The following USP49 variants were observed in gnomAD, a reference collection of about 807,000 sequenced individuals.
USP49 encodes the protein ubiquitin specific peptidase 49.
Under a neutral mutation model 58.6 loss-of-function variants are expected in USP49, and 24 were observed. The ratio of observed to expected loss-of-function variants is 0.41; its 90% confidence interval spans 0.30 to 0.58. The LOEUF is 0.58. Among genes scored for constraint, USP49 ranks in the 20% least tolerant of loss-of-function variants. USP49 has a pLI of 0.30. For missense variants in USP49, 703 were observed against 866.1 expected, an observed-to-expected ratio of 0.81 and a Z score of 2.36; for synonymous variants, 408 against 365.1, an observed-to-expected ratio of 1.12 and a Z score of -1.34.
chr6:41,798,747 G>A lies in USP49; in HGVS notation c.1853C>T (p.Ala618Val), dbSNP rs762810132. 1 of 1,613,992 alleles carries A rather than the reference G, an allele frequency of 6.2e-7. No homozygotes were observed. The highest frequency in any genetic ancestry group is 1.7e-5 in the Admixed American group (1 of 60,000). ...GKGFGSGHYT[A>V]YCYNTEGGFW... ...ACCTCCCTCTGTGTTGTAGCAATAGGCTGTGTAGTGTCCTGAGCCAAACCC... is the reference window on the plus strand; with the variant it reads ...ACCTCCCTCTGTGTTGTAGCAATAGACTGTGTAGTGTCCTGAGCCAAACCC... Residue 618 changes from alanine to valine, a missense_variant, in exon 7 of 8, where the codon GCC (alanine) becomes GTC (valine). Around this residue, in one of 6 missense-constraint regions of USP49, gnomAD observed 158 missense variants for 241.2 expected, o/e 0.66. Transcript: ENST00000682992.
chr6:41,877,080 G>A (rs1031076988), intron 2 of USP49, among the ~76,000 whole-genome samples: 3 of 152,150 alleles, frequency 2.0e-5, no homozygotes, highest in Non-Finnish European at 4.4e-5. Flanking sequence ...GCACCACATA[G>A]AAAGCATGAA....
At chr6:41,826,342 C>T (rs1773537138) in intron 3 of USP49, among the ~76,000 whole-genome samples, 1 of 152,120 alleles carries the variant, frequency 6.6e-6, no homozygotes, top group Non-Finnish European at 1.5e-5. Flanking sequence ...CTATCTAATA[C>T]TGGCAGAAGC....
intron 3 of USP49, among the ~76,000 whole-genome samples, chr6:41,808,658 C>T (rs994498524): frequency 2.6e-5 from 4 of 152,166 alleles, no homozygotes; most frequent in African/African-American, 9.7e-5. Flanking sequence ...GATCCGCCCA[C>T]CTCAGCCTCC....
chr6:41,862,906 TA>T (rs1421660124), intron 3 of USP49, among the ~76,000 whole-genome samples: 1 of 152,068 alleles, frequency 6.6e-6, no homozygotes, highest in Non-Finnish European at 1.5e-5. Flanking sequence ...CCAGAGTAGC[TA>T]GGATTACAGG....
intron 7 of USP49, chr6:41,798,512 G>C: frequency 2.2e-6 from 3 of 1,391,446 alleles, no homozygotes; most frequent in Non-Finnish European, 2.9e-6. Flanking sequence ...CTGACCTCAG[G>C]TGATCCACCC....
At chr6:41,821,229 T>C (rs1038176075) in intron 3 of USP49, among the ~76,000 whole-genome samples, 28 of 152,206 alleles carry the variant, frequency 1.8e-4, no homozygotes, top group Admixed American at 1.8e-3. Context: ...GTGCAGTTTT[T>C]CTCAGTAGTG....
chr6:41,877,616 G>C (rs1774525440), intron 2 of USP49, among the ~76,000 whole-genome samples: 1 of 150,642 alleles, frequency 6.6e-6, no homozygotes, highest in South Asian at 2.1e-4. Context: ...AGGCTAGAGG[G>C]TAGTGGCATG....
chr6:41,828,069 A>AT (rs1163288441), intron 3 of USP49, among the ~76,000 whole-genome samples: 1 of 152,130 alleles, frequency 6.6e-6, no homozygotes, highest in Non-Finnish European at 1.5e-5. Flanking sequence ...TCTATTGGCT[A>AT]TTTTTTCTCT....
chr6:41,875,817 C>T (rs1245500103), intron 2 of USP49, among the ~76,000 whole-genome samples: 5 of 152,018 alleles, frequency 3.3e-5, no homozygotes, highest in Admixed American at 6.6e-5. Flanking sequence ...CTGCAACCTC[C>T]GCCTCCCGGG....
At chr6:41,874,150 G>GT (rs527896121) in intron 2 of USP49, 37 of 152,300 alleles carry the variant, frequency 2.4e-4, no homozygotes, top group Admixed American at 2.4e-3. Flanking sequence ...ATGATGTGGA[G>GT]TAACAGAGAC....
At chr6:41,814,089 T>C (rs1773306239) in intron 3 of USP49, among the ~76,000 whole-genome samples, 1 of 152,234 alleles carries the variant, frequency 6.6e-6, no homozygotes, top group African/African-American at 2.4e-5. Flanking sequence ...AGGCACCTAG[T>C]ACCCAAAACT....
At chr6:41,882,935 A>G (rs1774638273) in intron 2 of USP49, among the ~76,000 whole-genome samples, 1 of 151,974 alleles carries the variant, frequency 6.6e-6, no homozygotes, top group African/African-American at 2.4e-5. Flanking sequence ...AACAAAAAAC[A>G]AAAAACACCT....
intron 3 of USP49, among the ~76,000 whole-genome samples, chr6:41,831,106 A>T (rs752564887): frequency 1.3e-5 from 2 of 152,008 alleles, no homozygotes; most frequent in Non-Finnish European, 2.9e-5. Flanking sequence ...AAAATACAAA[A>T]AATTGCCAGG....
Position 41,806,012 on chromosome 6 carries a change from TGCCTCGGCC to T in USP49, c.963_971del (p.Ala322_Ala324del). The stretch of plus-strand genomic sequence containing the variant: ...TCCAGCAGAAGCCCTCCCGCTCGCA[TGCCTCGGCC>T]CTGTCATTTCTCAAGGACAGCTCCG... On this transcript the variant is annotated inframe_deletion, in exon 4 of 8. Coordinates refer to ENST00000682992, the MANE Select transcript of USP49 (RefSeq NM_001286554.2). The surrounding 1 kb of genome is among the most constrained non-coding windows in gnomAD (Gnocchi z 5.9). 1.9e-6 allele frequency: 3 copies of T among 1,613,996 alleles called. No individual in the cohort carries two copies. The highest frequency in any genetic ancestry group is 2.5e-6 in the Non-Finnish European group (3 of 1,180,032).
intron 3 of USP49, among the ~76,000 whole-genome samples, chr6:41,839,855 G>T (rs1262677617): frequency 1.3e-5 from 2 of 151,658 alleles, no homozygotes; most frequent in Non-Finnish European, 2.9e-5. Flanking sequence ...GGTGGGAGGG[G>T]GTAAGGGATA....
At chr6:41,879,395 A>T (rs899342005) in intron 2 of USP49, among the ~76,000 whole-genome samples, 26 of 149,134 alleles carry the variant, frequency 1.7e-4, no homozygotes, top group Admixed American at 1.7e-3. Flanking sequence ...CACCTGGTTA[A>T]TTTTTTTTTT....
At chr6:41,812,479 G>A (rs1196323500) in intron 3 of USP49, among the ~76,000 whole-genome samples, 1 of 151,616 alleles carries the variant, frequency 6.6e-6, no homozygotes, top group Non-Finnish European at 1.5e-5. Context: ...GGATCACGAG[G>A]TCAGGAGATC....
chr6:41,825,304 G>A (rs1283049586), intron 3 of USP49, among the ~76,000 whole-genome samples: 2 of 152,190 alleles, frequency 1.3e-5, no homozygotes, highest in African/African-American at 2.4e-5. Context: ...TCAGGCGTAT[G>A]ATACTGCCTA....
chr6:41,825,440 G>GA (rs200998432), intron 3 of USP49, among the ~76,000 whole-genome samples: 34,765 of 134,174 alleles, frequency 0.26, 4,793 homozygotes, highest in Middle Eastern at 0.37. Flanking sequence ...TCACTTAAAA[G>GA]AAAAAAAAAA....
Sources: gnomAD v4.1 joint callset for allele counts (sites outside exome capture counted in the v4.1 genomes callset) on GRCh38, gnomAD v4.1.1 for gene constraint, gnomAD v4.1.1 regional missense constraint, Gnocchi (gnomAD v3.1) non-coding constraint, MANE v1.5 for transcripts, NCBI Gene and HGNC (gene_info 2026-07-23, HGNC 2026-07-21) for gene names.